Variants in RIMBP2 observed in about 807,000 individuals in gnomAD.
The protein encoded by RIMBP2 is RIMS-binding protein 2.
In RIMBP2, 48 loss-of-function variants were observed where a neutral mutation model predicts 118.6. That is an observed-to-expected ratio of 0.40 (90% CI 0.32 to 0.51). The LOEUF is 0.51. Among genes scored for constraint, RIMBP2 ranks in the 20% least tolerant of loss-of-function variants. RIMBP2 has a pLI of 0.41. For synonymous variants in RIMBP2, 762 were observed against 742.9 expected (o/e 1.03, Z -0.42); for missense variants, 1,551 against 1,768.3 (o/e 0.88, Z 2.20).
chr12:130,685,606 C>A (rs972810280), intron 1 of RIMBP2, among the ~76,000 whole-genome samples: 12 of 152,138 alleles, frequency 7.9e-5, no homozygotes, highest in Non-Finnish European at 1.8e-4. Flanking sequence ...GGAAGGGAGC[C>A]GTGTGGCCGC....
chr12:130,421,634 C>G (rs2076410346), intron 17 of RIMBP2, among the ~76,000 whole-genome samples: 1 of 151,866 alleles, frequency 6.6e-6, no homozygotes, highest in East Asian at 1.9e-4. Flanking sequence ...TCATGCCAAA[C>G]CAAGACGGTT....
chr12:130,612,129 G>A (rs371103376), intron 2 of RIMBP2, among the ~76,000 whole-genome samples: 1 of 152,000 alleles, frequency 6.6e-6, no homozygotes. Context: ...TCAGAGTCAC[G>A]CAAGGTCACC....
chr12:130,647,098 A>T (rs560402405), intron 1 of RIMBP2, among the ~76,000 whole-genome samples: 1 of 152,370 alleles, frequency 6.6e-6, no homozygotes, highest in South Asian at 2.1e-4. Flanking sequence ...GGGGAATTCC[A>T]GGCACCTAAT....
intron 4 of RIMBP2, among the ~76,000 whole-genome samples, chr12:130,484,203 G>A (rs915811601): frequency 7.2e-5 from 11 of 152,144 alleles, no homozygotes; most frequent in Non-Finnish European, 1.3e-4. Flanking sequence ...GGAGTAAAGC[G>A]GCATGCTGTC....
chr12:130,514,600 G>A (rs2138995594), intron 3 of RIMBP2, among the ~76,000 whole-genome samples: 1 of 152,296 alleles, frequency 6.6e-6, no homozygotes, highest in Admixed American at 6.5e-5. Context: ...TTAGTCGTAG[G>A]AAGAAAGCCA....
chr12:130,499,828 C>A, intron 4 of RIMBP2, among the ~76,000 whole-genome samples: 1 of 152,206 alleles, frequency 6.6e-6, no homozygotes, highest in Non-Finnish European at 1.5e-5. Context: ...TCTACCAGAA[C>A]CAAGGGCATG....
Position 130,500,329 on chromosome 12 carries a change from G to A in RIMBP2, c.-4+6319C>T, listed in dbSNP as rs181060609. Among the ~76,000 whole-genome samples, 190 of 152,278 alleles carry A rather than the reference G, an allele frequency of 1.2e-3. 2 individuals carry two copies. The highest frequency in any genetic ancestry group is 4.3e-3 in the African/African-American group (179 of 41,550). Reference sequence around the variant, plus strand: ...AAAAATTAGCTGGGCGTGGTGGCAGGCCCCTGTAATCCCAGCTACTCAGGA... The same window carrying A: ...AAAAATTAGCTGGGCGTGGTGGCAGACCCCTGTAATCCCAGCTACTCAGGA... On this transcript the variant is annotated intron_variant, in intron 4 of 22. Transcript: ENST00000690449.
At chr12:130,567,150 G>A (rs2057277364) in intron 2 of RIMBP2, among the ~76,000 whole-genome samples, 1 of 152,186 alleles carries the variant, frequency 6.6e-6, no homozygotes. Flanking sequence ...TTCTTTATAA[G>A]CAAGGAAGCT....
chr12:130,709,106 A>G lies in RIMBP2; in HGVS notation c.-352+7116T>C, dbSNP rs140775391. Among the ~76,000 whole-genome samples, 1,042 of 152,386 alleles carry G rather than the reference A, an allele frequency of 6.8e-3. 16 individuals carry two copies. Among genetic ancestry groups the G allele is most frequent in the African/African-American group, 0.024 (994 of 41,606 alleles). On this transcript the variant is annotated intron_variant, in intron 1 of 22. Coordinates refer to ENST00000690449, the MANE Select transcript of RIMBP2 (RefSeq NM_001393629.1). ...CAACAGCAGTCCGATGCATTGCTGC[A>G]TTTGAGCTGGAAAAGCTGTTTACAC...
rs890175308 is a variant in RIMBP2, at chr12:130,523,984, A to G, written c.-216-6067T>C. 1.3e-5 allele frequency among the ~76,000 whole-genome samples: 2 copies of G among 152,106 alleles called. No homozygotes were observed. The highest frequency in any genetic ancestry group is 2.9e-5 in the Non-Finnish European group (2 of 68,026). ...CAGGATCTGGTATCCACGCTACAGG[A>G]TTCAAAACCATGAACATCCAATCTC... is the stretch of plus-strand genomic sequence containing the variant. On this transcript the variant is annotated intron_variant, in intron 2 of 22. Transcript: ENST00000690449. This position sits in a 1 kb window ranked among gnomAD's most constrained non-coding sequence, Gnocchi z 4.4.
At chr12:130,540,860 G>T (rs1475926341) in intron 2 of RIMBP2, among the ~76,000 whole-genome samples, 1 of 152,190 alleles carries the variant, frequency 6.6e-6, no homozygotes, top group Non-Finnish European at 1.5e-5. Context: ...TGGCATTTCA[G>T]TAACAGTTTC....
chr12:130,491,975 G>T (rs981808688), intron 4 of RIMBP2, among the ~76,000 whole-genome samples: 1 of 152,202 alleles, frequency 6.6e-6, no homozygotes, highest in Non-Finnish European at 1.5e-5. Flanking sequence ...CGGAACGAAC[G>T]AACCTGAAGC....
intron 1 of RIMBP2, among the ~76,000 whole-genome samples, chr12:130,672,517 T>C (rs994294994): frequency 1.3e-5 from 2 of 152,132 alleles, no homozygotes; most frequent in Non-Finnish European, 2.9e-5. Context: ...GAACAGTATC[T>C]CCTTTTGCAG....
chr12:130,443,943 A>C (rs986830944), intron 10 of RIMBP2, among the ~76,000 whole-genome samples: 1 of 152,174 alleles, frequency 6.6e-6, no homozygotes. Context: ...TACTATTACT[A>C]TCTCCATTCT....
At chr12:130,532,402 G>A (rs2053526654) in intron 2 of RIMBP2, among the ~76,000 whole-genome samples, 1 of 151,070 alleles carries the variant, frequency 6.6e-6, no homozygotes, top group South Asian at 2.1e-4. Context: ...TAGCCTCTAG[G>A]AGTTACGTCT....
chr12:130,640,315 G>A (rs1370515272), intron 1 of RIMBP2, among the ~76,000 whole-genome samples: 4 of 152,140 alleles, frequency 2.6e-5, no homozygotes, highest in East Asian at 3.8e-4. Flanking sequence ...CATCTTACAC[G>A]AAAATTAATT....
rs979054255 is a variant in RIMBP2 at position 130,683,347 on chromosome 12, C to T, written c.-352+32875G>A. Reference sequence around the variant, plus strand: ...AGCCTCCAGGGGGAAGGCAGCTCTGCGGACACCCTGACCTCAGGCTTCCAG... The same window carrying T: ...AGCCTCCAGGGGGAAGGCAGCTCTGTGGACACCCTGACCTCAGGCTTCCAG... On this transcript the variant is annotated intron_variant, in intron 1 of 22. Coordinates refer to ENST00000690449, the MANE Select transcript of RIMBP2 (RefSeq NM_001393629.1). This position sits in a 1 kb window ranked among gnomAD's most constrained non-coding sequence, Gnocchi z 4.4. 2.6e-5 allele frequency among the ~76,000 whole-genome samples: 4 copies of T among 152,192 alleles called. No individual in the cohort carries two copies. Among genetic ancestry groups the T allele is most frequent in the East Asian group, 1.9e-4 (1 of 5,194 alleles).
At chr12:130,567,539 G>T (rs1254865051) in intron 2 of RIMBP2, among the ~76,000 whole-genome samples, 1 of 152,214 alleles carries the variant, frequency 6.6e-6, no homozygotes, top group African/African-American at 2.4e-5. Flanking sequence ...GAACGGGGGA[G>T]AGGGAGGAGG....
intron 4 of RIMBP2, 41 bp from the exon 5 acceptor site, chr12:130,479,057 G>T: frequency 6.5e-7 from 1 of 1,535,284 alleles, no homozygotes; most frequent in Non-Finnish European, 9.0e-7. Flanking sequence ...AGGGCAGCCT[G>T]TGCCCATGGG....
Sources: allele counts gnomAD v4.1 joint callset (sites outside exome capture counted in the v4.1 genomes callset), GRCh38; gene constraint gnomAD v4.1.1; non-coding constraint Gnocchi (gnomAD v3.1); transcripts MANE v1.5; gene names NCBI Gene and HGNC (gene_info 2026-07-23, HGNC 2026-07-21).